RGS22: variants seen among roughly 807,000 people sequenced by gnomAD.
RGS22 encodes regulator of G-protein signaling 22.
A neutral mutation model predicts 172.9 loss-of-function variants in RGS22; 148 were observed. The ratio of observed to expected loss-of-function variants is 0.86; its 90% CI spans 0.75 to 0.98. RGS22 has a LOEUF of 0.98. Ranked by LOEUF, RGS22 falls within the 50% of genes least tolerant of loss-of-function variation. The probability of loss-of-function intolerance (pLI) is 0.00; values close to 1 mark genes in which losing one functional copy is unlikely to be tolerated. For missense variants in RGS22, 1,347 were observed against 1,440.8 expected (o/e 0.93, Z 1.05); for synonymous variants, 458 against 480.2 (o/e 0.95, Z 0.60).
At chr8:99,985,269 T>C (rs1192836500) in intron 21 of RGS22, among the ~76,000 whole-genome samples, 3 of 152,218 alleles carry the variant, frequency 2.0e-5, no homozygotes, top group Admixed American at 6.5e-5. Context: ...TGAGAATAAA[T>C]TCATTATTAC....
At chr8:100,100,356 C>A (rs2132049158) in intron 2 of RGS22, among the ~76,000 whole-genome samples, 1 of 148,242 alleles carries the variant, frequency 6.7e-6, no homozygotes, top group East Asian at 2.0e-4. Context: ...ATGGCATGAT[C>A]TGGGCTCACT....
intron 19 of RGS22, among the ~76,000 whole-genome samples, chr8:99,998,255 G>A (rs1412852277): frequency 6.6e-6 from 1 of 152,046 alleles, no homozygotes; most frequent in Non-Finnish European, 1.5e-5. Flanking sequence ...CATGTGCCAG[G>A]CACCATTCTA....
At chr8:100,004,252 A>C in intron 16 of RGS22, 154 bp from the exon 17 acceptor site, 5 of 518,346 alleles carry the variant, frequency 9.6e-6, no homozygotes, top group Non-Finnish European at 1.2e-5. Flanking sequence ...TCTGGTAAAG[A>C]ATCTGATTCA....
chr8:100,037,393 T>C (rs1253739050), intron 14 of RGS22, among the ~76,000 whole-genome samples: 1 of 152,222 alleles, frequency 6.6e-6, no homozygotes, highest in Non-Finnish European at 1.5e-5. Context: ...TCTGCTTTTT[T>C]ATTTATCTTT....
chr8:100,096,377 G>C (rs2132019808), intron 2 of RGS22, among the ~76,000 whole-genome samples: 1 of 152,248 alleles, frequency 6.6e-6, no homozygotes, highest in East Asian at 1.9e-4. Flanking sequence ...GTTGAATGAA[G>C]GTAGGAACAC....
At chr8:100,094,299 T>C (rs1311529739) in intron 2 of RGS22, among the ~76,000 whole-genome samples, 1 of 152,240 alleles carries the variant, frequency 6.6e-6, no homozygotes, top group East Asian at 1.9e-4. Context: ...TTCATAATTA[T>C]ACTTCAATTT....
At chr8:100,066,633 AC>A in intron 6 of RGS22, among the ~76,000 whole-genome samples, 1 of 152,142 alleles carries the variant, frequency 6.6e-6, no homozygotes, top group Non-Finnish European at 1.5e-5. Flanking sequence ...ATGGGCAGTC[AC>A]CAGGCCCATC....
intron 16 of RGS22, chr8:100,004,664 T>G (rs1292519575): frequency 6.6e-6 from 1 of 151,888 alleles, no homozygotes; most frequent in Non-Finnish European, 1.5e-5. Context: ...AATATAAAGA[T>G]AGGATTATGC....
At chr8:100,003,133 TG>T in intron 17 of RGS22, 1 of 231,426 alleles carries the variant, frequency 4.3e-6, no homozygotes, top group Non-Finnish European at 9.0e-6. Flanking sequence ...ATAACTTAAT[TG>T]TACATTTAAA....
At chr8:99,971,865 C>A (rs188158125) in intron 23 of RGS22, among the ~76,000 whole-genome samples, 2 of 152,238 alleles carry the variant, frequency 1.3e-5, no homozygotes, top group East Asian at 3.9e-4. Context: ...CATCAAGCTA[C>A]CATTGACTTT....
intron 3 of RGS22, among the ~76,000 whole-genome samples, chr8:100,090,901 T>C (rs10088789): frequency 0.14 from 21,950 of 152,140 alleles, 1,640 homozygotes; most frequent in Middle Eastern, 0.22. Context: ...GAGAAGTCCC[T>C]AGACAGGGTT....
Position 100,105,967 on chromosome 8 carries a change from C to T in RGS22, c.-46G>A, listed in dbSNP as rs768659602. On this transcript the variant is annotated 5_prime_UTR_variant, in exon 1 of 28. Coordinates refer to ENST00000360863, the MANE Select transcript of RGS22 (RefSeq NM_015668.5). ...CTGGAGCCCGCGCGGGCCGTCAGGG[C>T]CCTAGCGCGCGGGTCCAGCGCGGGT... The T allele has an allele frequency of 7.9e-6, 11 of 1,385,882 alleles. No homozygotes were observed. The South Asian group carries it at 8.0e-5, about 10-fold the overall frequency. The allele number at this position is 1,385,882 out of a possible 1,614,324, so 85.8% of individuals were successfully genotyped here.
chr8:100,077,252 T>C (rs1811425138), intron 4 of RGS22, among the ~76,000 whole-genome samples: 1 of 152,140 alleles, frequency 6.6e-6, no homozygotes, highest in South Asian at 2.1e-4. Flanking sequence ...TGTTTTCAAT[T>C]TCATTGATTC....
At chr8:99,996,250 T>G (rs1360913765) in intron 20 of RGS22, among the ~76,000 whole-genome samples, 2 of 152,132 alleles carry the variant, frequency 1.3e-5, no homozygotes, top group Non-Finnish European at 2.9e-5. Context: ...CCCTAGAACT[T>G]AAAGTATGTA....
intron 10 of RGS22, among the ~76,000 whole-genome samples, chr8:100,051,451 T>G (rs906929244): frequency 9.9e-5 from 7 of 70,922 alleles, no homozygotes; most frequent in Non-Finnish European, 1.8e-4. Context: ...TTTATTTATA[T>G]TATATTATAT....
At chr8:100,041,984 G>T in intron 11 of RGS22, 68 bp from the exon 12 acceptor site, 1 of 981,116 alleles carries the variant, frequency 1.0e-6, no homozygotes, top group Non-Finnish European at 1.6e-6. Context: ...CAAATTTTGA[G>T]CACTTTTGGT....
At chr8:99,992,505 C>T (rs1357415467) in intron 20 of RGS22, among the ~76,000 whole-genome samples, 1 of 152,094 alleles carries the variant, frequency 6.6e-6, no homozygotes, top group East Asian at 1.9e-4. Flanking sequence ...CAACAAAGAT[C>T]AAAATAGACA....
chr8:100,104,766 T>A (rs923902429), intron 2 of RGS22, among the ~76,000 whole-genome samples: 1 of 152,192 alleles, frequency 6.6e-6, no homozygotes, highest in African/African-American at 2.4e-5. Context: ...GGAATCAGAC[T>A]CAGATCTTGG....
intron 14 of RGS22, among the ~76,000 whole-genome samples, chr8:100,034,855 G>A (rs1819262630): frequency 1.3e-5 from 2 of 152,152 alleles, no homozygotes; most frequent in South Asian, 4.1e-4. Context: ...AAGAAATGGG[G>A]AAAGGATTCC....
Sources: gnomAD v4.1 joint callset for allele counts (sites outside exome capture counted in the v4.1 genomes callset) on GRCh38, gnomAD v4.1.1 for gene constraint, MANE v1.5 for transcripts, NCBI Gene and HGNC (gene_info 2026-07-23, HGNC 2026-07-21) for gene names.